The following ZNF365 variants were observed in gnomAD, a reference collection of about 807,000 sequenced individuals.
ZNF365 encodes the protein zinc finger protein 365, also known as protein ZNF365.
A neutral mutation model predicts 35.0 loss-of-function variants in ZNF365; 22 were observed. That is an observed-to-expected ratio of 0.63 (90% CI 0.45 to 0.90). The LOEUF (loss-of-function observed/expected upper bound fraction) is 0.90, where lower values mean the gene tolerates loss of function less well. ZNF365 is among the 40% of genes least tolerant of loss of function. The pLI is 0.00. For synonymous variants in ZNF365, 188 were observed against 196.2 expected (o/e 0.96, Z 0.35); for missense variants, 448 against 500.3 (o/e 0.90, Z 1.00).
At chr10:62,453,216 T>C (rs544364040) in intron 3 of ZNF365, among the ~76,000 whole-genome samples, 1 of 152,350 alleles carries the variant, frequency 6.6e-6, no homozygotes, top group South Asian at 2.1e-4. Context: ...TCAGGGCTTT[T>C]AGGGTATCCA....
At chr10:62,478,524 G>C (rs1197583683) in intron 4 of ZNF365, among the ~76,000 whole-genome samples, 2 of 152,188 alleles carry the variant, frequency 1.3e-5, no homozygotes, top group African/African-American at 4.8e-5. Flanking sequence ...TTCTCCTCCT[G>C]CTTCAGCTCA....
intron 3 of ZNF365, among the ~76,000 whole-genome samples, chr10:62,445,322 C>G (rs990472326): frequency 7.9e-5 from 12 of 151,096 alleles, no homozygotes; most frequent in African/African-American, 2.9e-4. Flanking sequence ...AATGGTATTT[C>G]TAGTTCTAGA....
rs566215184 is a variant in ZNF365 at position 62,456,832 on chromosome 10, G to A, written c.925-2909G>A. Among the ~76,000 whole-genome samples, 5 of 145,102 alleles carry A rather than the reference G, an allele frequency of 3.4e-5. No individual in the cohort carries two copies. In the South Asian group the frequency reaches 6.4e-4, roughly 19 times the overall value. On this transcript the variant is annotated intron_variant, in intron 3 of 4. Transcript: ENST00000395255. ...TGATGCTCAGTTAAAACACACACAC[G>A]TGCGCACACATGCACACACACACAC... is the stretch of plus-strand genomic sequence containing the variant.
chr10:62,440,705 C>A (rs1840486122), intron 3 of ZNF365, among the ~76,000 whole-genome samples: 1 of 152,160 alleles, frequency 6.6e-6, no homozygotes, highest in Middle Eastern at 3.2e-3. Context: ...TCTCATTATT[C>A]AGAATCAGCT....
chr10:62,376,948 T>G lies in ZNF365; in HGVS notation c.743+12T>G. ...CTTAGGAAAGAAGAGTAAGTGTTGC[T>G]GACAGGGGATGCTAACCCCATTGCT... On this transcript the variant is annotated intron_variant, in intron 2 of 4. Coordinates refer to ENST00000395254, the MANE Select transcript of ZNF365 (RefSeq NM_014951.3). 6.3e-7 allele frequency: 1 copy of G among 1,589,510 alleles called. No homozygotes were observed. The highest frequency in any genetic ancestry group is 8.6e-7 in the Non-Finnish European group (1 of 1,169,380).
chr10:62,448,693 T>G (rs1840630071), intron 3 of ZNF365, among the ~76,000 whole-genome samples: 2 of 152,158 alleles, frequency 1.3e-5, no homozygotes, highest in Admixed American at 1.3e-4. Flanking sequence ...AAGATTCCTT[T>G]CAAATCTAGG....
chr10:62,453,198 T>C (rs1446884123), intron 3 of ZNF365, among the ~76,000 whole-genome samples: 1 of 152,216 alleles, frequency 6.6e-6, no homozygotes, highest in East Asian at 1.9e-4. Context: ...GATTTTGTAG[T>C]GGTAAAGTCA....
At chr10:62,424,986 T>G (rs946909737) in intron 3 of ZNF365, among the ~76,000 whole-genome samples, 2 of 152,168 alleles carry the variant, frequency 1.3e-5, no homozygotes, top group Non-Finnish European at 2.9e-5. Flanking sequence ...CAGCAGGGTC[T>G]TCTGCAGCCA....
chr10:62,374,509 T>C (rs973005529), intron 1 of ZNF365, 51 bp downstream of exon 1: 1 of 152,144 alleles, frequency 6.6e-6, no homozygotes, highest in Non-Finnish European at 1.5e-5. Flanking sequence ...GGAGGGGACC[T>C]GCCGGGGTGG....
intron 3 of ZNF365, among the ~76,000 whole-genome samples, chr10:62,424,887 T>C (rs1160288776): frequency 6.6e-6 from 1 of 152,186 alleles, no homozygotes; most frequent in Non-Finnish European, 1.5e-5. Flanking sequence ...GCTGGATACC[T>C]GTAATTATCT....
chr10:62,427,867 C>T (rs1300441676), intron 3 of ZNF365, among the ~76,000 whole-genome samples: 7 of 152,112 alleles, frequency 4.6e-5, no homozygotes, highest in African/African-American at 1.7e-4. Context: ...TGCTATAGAT[C>T]ACAACTGCTT....
At position 62,402,030 on chromosome 10, in the gene ZNF365, C is replaced by T; in HGVS notation, c.*2241C>T. The T allele has an allele frequency of 1.0e-6, 1 of 985,616 alleles. No homozygotes were observed. Among genetic ancestry groups the T allele is most frequent in the Non-Finnish European group, 1.2e-6 (1 of 829,912 alleles). The allele number at this position is 985,616 out of a possible 1,614,324, so 61.1% of individuals were successfully genotyped here. A position where few individuals can be genotyped will look rare whatever the true frequency, so the allele number is the denominator to read the frequency against. On this transcript the variant is annotated 3_prime_UTR_variant, in exon 5 of 5. Transcript: ENST00000395254. The stretch of plus-strand genomic sequence containing the variant: ...GTCAAAACATGGGAGATGGCTTACT[C>T]AGAAGCATACTCCACTTAACATACC...
At chr10:62,387,462 G>GA (rs1295881872) in intron 2 of ZNF365, among the ~76,000 whole-genome samples, 1 of 151,848 alleles carries the variant, frequency 6.6e-6, no homozygotes. Flanking sequence ...TTATAAATCA[G>GA]AAAAAAATAC....
downstream of ZNF365, among the ~76,000 whole-genome samples, chr10:62,403,327 G>T (rs1476108328): frequency 6.6e-6 from 1 of 152,150 alleles, no homozygotes; most frequent in Non-Finnish European, 1.5e-5. Context: ...AGGAGGAAGG[G>T]TTTGTCTTGC....
chr10:62,386,831 G>T (rs2132416139), intron 2 of ZNF365, among the ~76,000 whole-genome samples: 1 of 152,298 alleles, frequency 6.6e-6, no homozygotes, highest in South Asian at 2.1e-4. Context: ...ATCAAGTGGA[G>T]GTTGAGAAGA....
intron 3 of ZNF365, among the ~76,000 whole-genome samples, chr10:62,427,924 A>G (rs1271874642): frequency 2.0e-5 from 3 of 152,172 alleles, no homozygotes; most frequent in Non-Finnish European, 4.4e-5. Context: ...AGCCATGGGA[A>G]ACTTGGACAC....
intron 2 of ZNF365, among the ~76,000 whole-genome samples, chr10:62,385,544 T>C (rs1839511740): frequency 6.6e-6 from 1 of 152,208 alleles, no homozygotes; most frequent in African/African-American, 2.4e-5. Flanking sequence ...TGTCTTCGCA[T>C]ATGCTAGACT....
At chr10:62,431,373 A>C (rs1033349293) in intron 3 of ZNF365, among the ~76,000 whole-genome samples, 1 of 152,248 alleles carries the variant, frequency 6.6e-6, no homozygotes, top group Non-Finnish European at 1.5e-5. Flanking sequence ...ACACAGAATC[A>C]TCCTACATAC....
intron 3 of ZNF365, among the ~76,000 whole-genome samples, chr10:62,392,108 G>A (rs1291324515): frequency 2.0e-5 from 3 of 151,806 alleles, no homozygotes; most frequent in Non-Finnish European, 4.4e-5. Flanking sequence ...TTTTTTTCTT[G>A]CTAATTTGTT....
Sources: gnomAD v4.1 joint callset for allele counts (sites outside exome capture counted in the v4.1 genomes callset) on GRCh38, gnomAD v4.1.1 for gene constraint, MANE v1.5 for transcripts, NCBI Gene and HGNC (gene_info 2026-07-23, HGNC 2026-07-21) for gene names.